The following GALNT7 variants were observed in gnomAD, a reference collection of about 807,000 sequenced individuals.
The protein encoded by GALNT7 is polypeptide N-acetylgalactosaminyltransferase 7.
GALNT7 carries 60 observed loss-of-function variants against 82.1 expected under a neutral mutation model. The ratio of observed to expected loss-of-function variants is 0.73; its 90% CI spans 0.59 to 0.91. The LOEUF (loss-of-function observed/expected upper bound fraction) is 0.91. Ranked by LOEUF, GALNT7 falls within the 40% of genes least tolerant of loss-of-function variation. The probability of loss-of-function intolerance (pLI) is 0.00; values close to 1 mark genes in which losing one functional copy is unlikely to be tolerated. For synonymous variants in GALNT7, 243 were observed against 275.1 expected (o/e 0.88, Z 1.15); for missense variants, 660 against 804.2 (o/e 0.82, Z 2.17).
intron 1 of GALNT7, among the ~76,000 whole-genome samples, chr4:173,184,019 G>A (rs1036058405): frequency 1.3e-5 from 2 of 150,206 alleles, no homozygotes; most frequent in African/African-American, 4.9e-5. Flanking sequence ...GGGCAGAGGC[G>A]CTCCCCACAT....
chr4:173,174,444 C>T (rs1182029878), intron 1 of GALNT7, among the ~76,000 whole-genome samples: 1 of 152,174 alleles, frequency 6.6e-6, no homozygotes, highest in African/African-American at 2.4e-5. Flanking sequence ...AAATATTTTT[C>T]AAAGAAACTA....
intron 6 of GALNT7, among the ~76,000 whole-genome samples, chr4:173,301,345 C>A (rs548181036): frequency 4.8e-4 from 73 of 152,080 alleles, no homozygotes; most frequent in African/African-American, 1.6e-3. Context: ...GTAATTTCTC[C>A]CAATGGTGGG....
At chr4:173,210,121 G>A (rs1051913513) in intron 1 of GALNT7, among the ~76,000 whole-genome samples, 5 of 151,268 alleles carry the variant, frequency 3.3e-5, no homozygotes, top group African/African-American at 7.3e-5. Flanking sequence ...GCAACAGAGC[G>A]AGACTCCGTC....
At chr4:173,271,640 A>G (rs1471296946) in intron 2 of GALNT7, among the ~76,000 whole-genome samples, 1 of 151,930 alleles carries the variant, frequency 6.6e-6, no homozygotes, top group African/African-American at 2.4e-5. Context: ...TATTTTTCGT[A>G]TAGATGGGGT....
chr4:173,249,383 G>A (rs767650133), intron 2 of GALNT7, among the ~76,000 whole-genome samples: 17 of 152,234 alleles, frequency 1.1e-4, no homozygotes, highest in Non-Finnish European at 2.4e-4. Flanking sequence ...AAAATCCTGT[G>A]TCCAATATAA....
chr4:173,266,221 C>T (rs1219964922), intron 2 of GALNT7, among the ~76,000 whole-genome samples: 4 of 152,164 alleles, frequency 2.6e-5, no homozygotes, highest in Non-Finnish European at 5.9e-5. Context: ...GATAGCACCA[C>T]TGTACTCCAG....
At chr4:173,304,650 G>A (rs1737078341) in intron 8 of GALNT7, among the ~76,000 whole-genome samples, 1 of 151,800 alleles carries the variant, frequency 6.6e-6, no homozygotes, top group Non-Finnish European at 1.5e-5. Context: ...TAAAACTATT[G>A]TTCCTAACAG....
At chr4:173,315,736 A>T (rs1468687288) in intron 9 of GALNT7, 1 of 152,228 alleles carries the variant, frequency 6.6e-6, no homozygotes, top group South Asian at 2.1e-4. Flanking sequence ...TTCAACACAC[A>T]GATCTCTCTC....
At chr4:173,229,650 T>TG (rs1733959380) in intron 1 of GALNT7, among the ~76,000 whole-genome samples, 1 of 152,102 alleles carries the variant, frequency 6.6e-6, no homozygotes, top group Non-Finnish European at 1.5e-5. Context: ...AACTGTAAAA[T>TG]GGGGTAATAG....
At chr4:173,217,714 A>G (rs2126682486) in intron 1 of GALNT7, among the ~76,000 whole-genome samples, 1 of 152,312 alleles carries the variant, frequency 6.6e-6, no homozygotes, top group South Asian at 2.1e-4. Context: ...TCATACCCAC[A>G]TTTAGCCATA....
chr4:173,309,209 A>G (rs1420489818), intron 8 of GALNT7, among the ~76,000 whole-genome samples: 1 of 152,228 alleles, frequency 6.6e-6, no homozygotes, highest in Non-Finnish European at 1.5e-5. Flanking sequence ...CTTCTTTCCC[A>G]GTCACACGTT....
chr4:173,236,672 G>T (rs182271383), intron 1 of GALNT7, among the ~76,000 whole-genome samples: 147 of 152,188 alleles, frequency 9.7e-4, no homozygotes, highest in Middle Eastern at 3.4e-3. Flanking sequence ...TTTTCCTCAT[G>T]CCCCACCTTA....
chr4:173,186,349 T>C (rs147639331), intron 1 of GALNT7, among the ~76,000 whole-genome samples: 1 of 152,356 alleles, frequency 6.6e-6, no homozygotes, highest in African/African-American at 2.4e-5. Context: ...GTTAAAATGC[T>C]GGTGCAATCA....
intron 6 of GALNT7, among the ~76,000 whole-genome samples, chr4:173,298,683 A>C (rs1736809654): frequency 6.6e-6 from 1 of 152,258 alleles, no homozygotes; most frequent in South Asian, 2.1e-4. Context: ...ACTTTAATCC[A>C]ACCAAGACTT....
At chr4:173,196,371 C>T (rs571332635) in intron 1 of GALNT7, among the ~76,000 whole-genome samples, 244 of 152,156 alleles carry the variant, frequency 1.6e-3, no homozygotes, top group African/African-American at 5.2e-3. Flanking sequence ...GTGATCTACC[C>T]GCCTCAGCAT....
At chr4:173,248,892 C>T (rs1283355282) in intron 2 of GALNT7, among the ~76,000 whole-genome samples, 1 of 151,876 alleles carries the variant, frequency 6.6e-6, no homozygotes, top group East Asian at 1.9e-4. Context: ...TAACAGTGTT[C>T]TGGGTGTCTC....
At chr4:173,244,923 G>A (rs535192457) in intron 1 of GALNT7, among the ~76,000 whole-genome samples, 1 of 152,180 alleles carries the variant, frequency 6.6e-6, no homozygotes, top group Non-Finnish European at 1.5e-5. Flanking sequence ...GAGACAGTCA[G>A]TGAAACAGGC....
intron 6 of GALNT7, among the ~76,000 whole-genome samples, chr4:173,299,147 G>C (rs1328280604): frequency 6.6e-6 from 1 of 152,156 alleles, no homozygotes; most frequent in Admixed American, 6.5e-5. Flanking sequence ...GGTGATGTTA[G>C]AACTCTGTTT....
At chr4:173,312,491 C>T (rs1737423393) in intron 8 of GALNT7, among the ~76,000 whole-genome samples, 1 of 152,178 alleles carries the variant, frequency 6.6e-6, no homozygotes, top group African/African-American at 2.4e-5. Context: ...CAAGAACTCA[C>T]CCCCTCACCT....
Sources: gnomAD v4.1 joint callset for allele counts (sites outside exome capture counted in the v4.1 genomes callset) on GRCh38, gnomAD v4.1.1 for gene constraint, MANE v1.5 for transcripts, NCBI Gene and HGNC (gene_info 2026-07-23, HGNC 2026-07-21) for gene names.